Variants in RPS6KB2 observed in about 807,000 individuals in gnomAD.
The protein encoded by RPS6KB2 is ribosomal protein S6 kinase beta-2.
In RPS6KB2, 51 loss-of-function variants were observed where a neutral mutation model predicts 58.2. The observed-to-expected ratio is 0.88, with a 90% confidence interval of 0.70 to 1.11. The LOEUF (loss-of-function observed/expected upper bound fraction) is 1.11. Ranked by LOEUF, RPS6KB2 falls within the 50% of genes least tolerant of loss-of-function variation. The pLI is 0.00. For synonymous variants in RPS6KB2, 293 were observed against 258.6 expected (o/e 1.13, Z -1.28); for missense variants, 671 against 655.8 (o/e 1.02, Z -0.25).
intron 2 of RPS6KB2, 42 bp from the exon 3 acceptor site, chr11:67,429,078 G>C (rs1177903606): frequency 1.2e-5 from 19 of 1,613,828 alleles, no homozygotes; most frequent in Non-Finnish European, 1.4e-5. Flanking sequence ...GGGAACTGGG[G>C]AGCACTGGAG....
rs778700940 is a variant in RPS6KB2, at chr11:67,435,378, G to A, written c.*209G>A. ...ACGCCCCGCGCTCAACTGCTCCCGT[G>A]GAAGATTAAAGGGCTGAATCATGGT... is the stretch of plus-strand genomic sequence containing the variant. On this transcript the variant is annotated 3_prime_UTR_variant, in exon 15 of 15. Coordinates refer to ENST00000312629, the MANE Select transcript of RPS6KB2 (RefSeq NM_003952.3). 4.2e-4 allele frequency: 259 copies of A among 620,138 alleles called. 1 individual carries two copies. Among genetic ancestry groups the A allele is most frequent in the Non-Finnish European group, 6.3e-4 (227 of 360,710 alleles). The allele number at this position is 620,138 out of a possible 1,614,324, so 38.4% of individuals were successfully genotyped here.
intron 7 of RPS6KB2, 31 bp from the exon 8 acceptor site, chr11:67,432,921 C>T: frequency 6.2e-7 from 1 of 1,611,432 alleles, no homozygotes; most frequent in East Asian, 2.2e-5. Context: ...GGGTGGGGCC[C>T]TGGTCACGCC....
chr11:67,431,331 G>C, intron 4 of RPS6KB2, 37 bp from the exon 5 acceptor site: 1 of 1,606,340 alleles, frequency 6.2e-7, no homozygotes, highest in Non-Finnish European at 8.5e-7. Context: ...TGCCCAGCCT[G>C]GATGCCTCAG....
At chr11:67,430,834 C>G (rs1863996999) in intron 4 of RPS6KB2, 1 of 152,674 alleles carries the variant, frequency 6.5e-6, no homozygotes, top group African/African-American at 2.4e-5. Flanking sequence ...CGCAGGGCAG[C>G]CTCCCACAAC....
rs10274 is a variant in RPS6KB2, at chr11:67,435,355, G to T, written c.*186G>T. The stretch of plus-strand genomic sequence containing the variant: ...ATGGGCACGGAGGGCCGCCCGCCAC[G>T]CCCCGCGCTCAACTGCTCCCGTGGA... On this transcript the variant is annotated 3_prime_UTR_variant, in exon 15 of 15. Coordinates refer to ENST00000312629, the MANE Select transcript of RPS6KB2 (RefSeq NM_003952.3). 3.1e-6 allele frequency: 2 copies of T among 636,530 alleles called. No homozygotes were observed. The highest frequency in any genetic ancestry group is 5.3e-6 in the Non-Finnish European group (2 of 374,728). 39.4% of individuals were successfully genotyped at this position (636,530 alleles called of 1,614,324 possible). A position where few individuals can be genotyped will look rare whatever the true frequency, so the allele number is the denominator to read the frequency against.
rs1246501692 is a variant in RPS6KB2 at position 67,434,471 on chromosome 11, A to G, written c.1142A>G (p.Asn381Ser). 10 of 1,612,156 alleles carry G rather than the reference A, an allele frequency of 6.2e-6. No individual in the cohort carries two copies. In the Admixed American group the frequency reaches 6.7e-5, roughly 11 times the overall value. Residue 381 changes from asparagine (N) to serine (S), a missense_variant, in exon 13 of 15, where the codon AAC (asparagine) becomes AGC (serine). Transcript: ENST00000312629. ...GACACAGCCCTCAGCGAGAGTGCCA[A>G]CCAGGCCTTCCTGGTGAGTGCGGGG... ...PDDTALSESANQAFLGFTYVA... is the reference protein window; with the variant it reads ...PDDTALSESASQAFLGFTYVA...
chr11:67,431,556 G>T (rs570128593), intron 5 of RPS6KB2, 41 bp downstream of exon 5: 4 of 1,599,298 alleles, frequency 2.5e-6, no homozygotes, highest in Non-Finnish European at 3.4e-6. Flanking sequence ...GGGGTCGCGG[G>T]GGGGCAGCGA....
chr11:67,431,811 G>A (rs1418072847), intron 5 of RPS6KB2: 1 of 373,012 alleles, frequency 2.7e-6, no homozygotes, highest in African/African-American at 2.1e-5. Flanking sequence ...TCCCCTCCCT[G>A]TCTTGTTCTT....
At chr11:67,429,464 G>C (rs2135114999) in intron 3 of RPS6KB2, 63 bp from the exon 4 acceptor site, 3 of 1,503,214 alleles carry the variant, frequency 2.0e-6, no homozygotes, top group East Asian at 2.3e-5. Flanking sequence ...AGAGCTTCAG[G>C]GTGGGGCTTC....
At position 67,429,120 on chromosome 11, in the gene RPS6KB2, G is replaced by T. The variant is rs752857156; in HGVS notation, c.120G>T (p.Glu40Asp). 3 of 1,614,000 alleles carry T rather than the reference G, an allele frequency of 1.9e-6. No homozygotes were observed. Among genetic ancestry groups the T allele is most frequent in the Non-Finnish European group, 2.5e-6 (3 of 1,180,034 alleles). Residue 40 changes from glutamate (E) to aspartate (D), a missense_variant and splice_region_variant, in exon 3 of 15, where the codon GAG (glutamate) becomes GAT (aspartate). Glu to Asp is a conservative substitution (Grantham distance 45). Coordinates refer to ENST00000312629, the MANE Select transcript of RPS6KB2 (RefSeq NM_003952.3). ...CCTCATTAACTCCTTGTGTCCGTAGGCCTGTGGGACACTATGAAGAGGTGG... is the reference window on the plus strand; with the variant it reads ...CCTCATTAACTCCTTGTGTCCGTAGTCCTGTGGGACACTATGAAGAGGTGG... ...PLAELRAAGL[E>D]PVGHYEEVEL...
chr11:67,434,992 C>A lies in RPS6KB2; in HGVS notation c.1272C>A (p.Pro424=). The change falls in exon 15 of 15, where the codon CCC becomes CCA. Residue 424 remains proline, a synonymous_variant. Coordinates refer to ENST00000312629, the MANE Select transcript of RPS6KB2 (RefSeq NM_003952.3). Reference sequence around the variant, plus strand: ...TCTGCCTTGGTTTCCCCTGCAGCCCCCTCAAGTTCTCCCCTTTTGAGGGGT... The same window carrying A: ...TCTGCCTTGGTTTCCCCTGCAGCCCACTCAAGTTCTCCCCTTTTGAGGGGT... The part of the protein sequence containing the change: ...LNSSPRAPVS[P]LKFSPFEGFR... 1 of 1,613,646 alleles carries A rather than the reference C, an allele frequency of 6.2e-7. No individual in the cohort carries two copies. Among genetic ancestry groups the A allele is most frequent in the Non-Finnish European group, 8.5e-7 (1 of 1,179,806 alleles).
intron 5 of RPS6KB2, 158 bp downstream of exon 5, chr11:67,431,673 C>T (rs997160093): frequency 1.6e-5 from 10 of 630,698 alleles, no homozygotes; most frequent in South Asian, 9.7e-5. Flanking sequence ...TCCGTGCATC[C>T]GTCCCATCAT....
chr11:67,431,574 A>G (rs1864023724), intron 5 of RPS6KB2, 59 bp downstream of exon 5: 6 of 1,559,836 alleles, frequency 3.8e-6, no homozygotes, highest in Non-Finnish European at 5.3e-6. Context: ...CGAGCCAGCA[A>G]AGGAAGCTCT....
chr11:67,433,563 G>A lies in RPS6KB2; in HGVS notation c.906+116G>A, dbSNP rs1025425487. Reference sequence around the variant, plus strand: ...CCCGGCCTGTGCAGTTTGCCTCTGGGAATGAAAGGAGCCCCTCCCTTGAAG... The same window carrying A: ...CCCGGCCTGTGCAGTTTGCCTCTGGAAATGAAAGGAGCCCCTCCCTTGAAG... On this transcript the variant is annotated intron_variant, in intron 10 of 14. Transcript: ENST00000312629. 14 of 762,184 alleles carry A rather than the reference G, an allele frequency of 1.8e-5. No homozygotes were observed. The African/African-American group carries it at 1.9e-4, about 10-fold the overall frequency. 47.2% of individuals were successfully genotyped at this position (762,184 alleles called of 1,614,324 possible). A position where few individuals can be genotyped will look rare whatever the true frequency, so the allele number is the denominator to read the frequency against.
At chr11:67,434,723 G>T in intron 14 of RPS6KB2, 29 bp downstream of exon 14, 2 of 1,536,782 alleles carry the variant, frequency 1.3e-6, no homozygotes, top group East Asian at 2.3e-5. Flanking sequence ...GTGTGTGGCT[G>T]GGTTAGGGAC....
At chr11:67,434,082 G>T (rs1303001351) in intron 11 of RPS6KB2, 25 bp downstream of exon 11, 3 of 1,613,588 alleles carry the variant, frequency 1.9e-6, no homozygotes, top group Non-Finnish European at 1.7e-6. Flanking sequence ...ACCACCAGGG[G>T]TAGGGCTGAG....
Position 67,434,574 on chromosome 11 carries a change from C to A in RPS6KB2, c.1156-8C>A, listed in dbSNP as rs778674533. 1.9e-6 allele frequency: 3 copies of A among 1,597,400 alleles called. No homozygotes were observed. Among genetic ancestry groups the A allele is most frequent in the African/African-American group, 1.3e-5 (1 of 74,598 alleles). The stretch of plus-strand genomic sequence containing the variant: ...TGAGTGTCGCATGGCCCTGCCTCCG[C>A]CCCCCAGGGCTTCACATACGTGGCG... On this transcript the variant is annotated splice_polypyrimidine_tract_variant and splice_region_variant and intron_variant, in intron 13 of 14. Transcript: ENST00000312629.
intron 9 of RPS6KB2, 58 bp downstream of exon 9, chr11:67,433,274 T>A: frequency 6.2e-7 from 1 of 1,601,736 alleles, no homozygotes; most frequent in Non-Finnish European, 8.5e-7. Flanking sequence ...GTAGCCCCCC[T>A]CCTGGGGCAA....
intron 4 of RPS6KB2, chr11:67,431,133 A>G (rs1793697459): frequency 2.9e-6 from 1 of 340,330 alleles, no homozygotes; most frequent in South Asian, 3.5e-5. Flanking sequence ...CCTGGGTTCA[A>G]GCGATTCTCC....
Sources: gnomAD v4.1 joint callset for allele counts on GRCh38, gnomAD v4.1.1 for gene constraint, MANE v1.5 for transcripts, NCBI Gene and HGNC (gene_info 2026-07-23, HGNC 2026-07-21) for gene names.